SMCHD1: variants seen among roughly 807,000 people sequenced by gnomAD.
SMCHD1 encodes structural maintenance of chromosomes flexible hinge domain-containing protein 1.
Under a neutral mutation model 254.7 loss-of-function variants are expected in SMCHD1, and 78 were observed. The ratio of observed to expected loss-of-function variants is 0.31; its 90% CI spans 0.26 to 0.37. SMCHD1 has a LOEUF of 0.37. Ranked by LOEUF, SMCHD1 falls within the 10% of genes least tolerant of loss-of-function variation. The probability of loss-of-function intolerance (pLI) is 1.00; values close to 1 mark genes in which losing one functional copy is unlikely to be tolerated. For missense variants in SMCHD1, 1,840 were observed against 2,408.1 expected (o/e 0.76, Z 4.94); for synonymous variants, 766 against 794.9 (o/e 0.96, Z 0.61).
chr18:2,726,638 C>T (rs900420897), intron 22 of SMCHD1, 114 bp downstream of exon 22: 10 of 420,722 alleles, frequency 2.4e-5, no homozygotes, highest in African/African-American at 1.9e-4. Flanking sequence ...CTTGAAAATA[C>T]ACTTAAATGT....
At chr18:2,690,699 G>A (rs1422540538) in intron 7 of SMCHD1, among the ~76,000 whole-genome samples, 1 of 148,034 alleles carries the variant, frequency 6.8e-6, no homozygotes, top group Non-Finnish European at 1.5e-5. Context: ...GGCCAGACTG[G>A]TCTCAAACTC....
rs185618962 is a variant in SMCHD1, at chr18:2,697,117, A to G, written c.1126A>G (p.Ile376Val). 6 of 1,405,706 alleles carry G rather than the reference A, an allele frequency of 4.3e-6. No individual in the cohort carries two copies. The highest frequency in any genetic ancestry group is 1.5e-5 in the African/African-American group (1 of 68,284). 87.1% of individuals were successfully genotyped at this position (1,405,706 alleles called of 1,614,324 possible). ...KEVEPFNNID[I>V]EISMFEKGKV... ...AGTTGAACCTTTCAACAATATTGATATTGAAGTAAGAGAAAAATCCATCTT... is the reference window on the plus strand; with the variant it reads ...AGTTGAACCTTTCAACAATATTGATGTTGAAGTAAGAGAAAAATCCATCTT... The change falls in exon 9 of 48, where the codon ATT becomes GTT. Residue 376 changes from isoleucine (I) to valine (V), a missense_variant. This residue lies in a region of SMCHD1 where 498 missense variants were observed against 743.5 expected (regional missense o/e 0.67). Transcript: ENST00000320876.
chr18:2,770,810 G>A (rs932406254), intron 39 of SMCHD1, among the ~76,000 whole-genome samples: 5 of 151,950 alleles, frequency 3.3e-5, no homozygotes, highest in East Asian at 1.9e-4. Context: ...TAGTAGAGAC[G>A]GGGTTTCACC....
chr18:2,786,484 G>C (rs370526962), intron 45 of SMCHD1, among the ~76,000 whole-genome samples: 2 of 152,146 alleles, frequency 1.3e-5, no homozygotes, highest in African/African-American at 4.8e-5. Context: ...CTGAGGTCAG[G>C]AGTTCAAGAC....
rs1232357497 is a variant in SMCHD1 at position 2,718,508 on chromosome 18, G to A, written c.2458+74G>A. ...AAATCCAAAGAGAAAAGAGAGATAA[G>A]CCATTAAAAGATGTTTGAACAATTG... is the stretch of plus-strand genomic sequence containing the variant. On this transcript the variant is annotated intron_variant, in intron 19 of 47. Transcript: ENST00000320876. This position sits in a 1 kb window ranked among gnomAD's most constrained non-coding sequence, Gnocchi z 4.6. 4.6e-6 allele frequency: 6 copies of A among 1,294,098 alleles called. No individual in the cohort carries two copies. The South Asian group carries it at 7.5e-5, about 16-fold the overall frequency. The allele number at this position is 1,294,098 out of a possible 1,614,324, so 80.2% of individuals were successfully genotyped here. A position where few individuals can be genotyped will look rare whatever the true frequency, so the allele number is the denominator to read the frequency against.
At chr18:2,773,410 G>GA (rs2076015378) in intron 41 of SMCHD1, among the ~76,000 whole-genome samples, 1 of 152,120 alleles carries the variant, frequency 6.6e-6, no homozygotes, top group Admixed American at 6.6e-5. Flanking sequence ...TTTAGCAAGA[G>GA]AAATGTATTT....
rs760975783 is a variant in SMCHD1, at chr18:2,707,654, G to A, written c.2146+9G>A. ...TGCTGGAACCCCTATTGGTATGTTT[G>A]TTTATTTTTCTAATACCAAAAAGTG... On this transcript the variant is annotated intron_variant, in intron 16 of 47. Coordinates refer to ENST00000320876, the MANE Select transcript of SMCHD1 (RefSeq NM_015295.3). 1 of 1,575,882 alleles carries A rather than the reference G, an allele frequency of 6.3e-7. No homozygotes were observed. Among genetic ancestry groups the A allele is most frequent in the East Asian group, 2.2e-5 (1 of 44,622 alleles).
At chr18:2,752,819 TTA>T (rs149342082) in intron 34 of SMCHD1, 8,127 of 311,246 alleles carry the variant, frequency 0.026, 605 homozygotes, top group African/African-American at 0.17. Flanking sequence ...TCAGGGCACT[TTA>T]TAACTTCTTA....
chr18:2,676,053 C>T (rs778441834), intron 5 of SMCHD1, among the ~76,000 whole-genome samples: 3 of 152,074 alleles, frequency 2.0e-5, no homozygotes, highest in Non-Finnish European at 4.4e-5. Flanking sequence ...TCAGATACAC[C>T]CCTTCAGCCT....
rs1258601994 is a variant in SMCHD1 at position 2,803,194 on chromosome 18, GTGTGTATA to G, written c.*644_*651del. 4 of 115,750 alleles carry G rather than the reference GTGTGTATA, an allele frequency of 3.5e-5. No individual in the cohort carries two copies. The highest frequency in any genetic ancestry group is 1.1e-4 in the African/African-American group (4 of 35,618). The allele number at this position is 115,750 out of a possible 1,614,324, so 7.2% of individuals were successfully genotyped here. A position where few individuals can be genotyped will look rare whatever the true frequency, so the allele number is the denominator to read the frequency against. On this transcript the variant is annotated 3_prime_UTR_variant, in exon 48 of 48. Transcript: ENST00000320876. ...AAAGACTTATCCTGTGTGTGTGTGT[GTGTGTATA>G]TATATATATATATATAAATATATAT...
chr18:2,776,443 A>G (rs2076067822), intron 42 of SMCHD1, among the ~76,000 whole-genome samples: 1 of 151,724 alleles, frequency 6.6e-6, no homozygotes. Flanking sequence ...TTTTGGGCTC[A>G]AGCAGTCCTC....
intron 41 of SMCHD1, among the ~76,000 whole-genome samples, chr18:2,774,899 C>T (rs2076040940): frequency 6.6e-6 from 1 of 152,200 alleles, no homozygotes; most frequent in South Asian, 2.1e-4. Context: ...TGGGTGTTCA[C>T]GCACATGCGT....
At chr18:2,767,673 T>G (rs551165045) in intron 37 of SMCHD1, among the ~76,000 whole-genome samples, 1 of 130,696 alleles carries the variant, frequency 7.7e-6, no homozygotes, top group Non-Finnish European at 1.6e-5. Flanking sequence ...CAGTGCAACC[T>G]CCGCCTCCTG....
At chr18:2,770,831 G>T (rs774544216) in intron 39 of SMCHD1, among the ~76,000 whole-genome samples, 2 of 151,956 alleles carry the variant, frequency 1.3e-5, no homozygotes, top group Non-Finnish European at 2.9e-5. Flanking sequence ...ATGTTGGCCG[G>T]GCTGGTCTCG....
chr18:2,751,460 C>A, intron 33 of SMCHD1, 67 bp downstream of exon 33: 1 of 840,894 alleles, frequency 1.2e-6, no homozygotes, highest in Non-Finnish European at 1.9e-6. Flanking sequence ...ACTAAGTCTC[C>A]TTTAATGTAA....
At chr18:2,709,309 T>A (rs1209012122) in intron 17 of SMCHD1, among the ~76,000 whole-genome samples, 1 of 151,678 alleles carries the variant, frequency 6.6e-6, no homozygotes, top group Non-Finnish European at 1.5e-5. Flanking sequence ...TGATGGATAC[T>A]CAGGTTACTT....
chr18:2,685,094 ATTTTTTTC>A (rs1431625689), intron 5 of SMCHD1, among the ~76,000 whole-genome samples: 6 of 81,880 alleles, frequency 7.3e-5, no homozygotes, highest in East Asian at 3.9e-4. Flanking sequence ...TCTGTCCCTT[ATTTTTTTC>A]TTTTTTTTTT....
At chr18:2,740,943 A>G in intron 28 of SMCHD1, 122 bp downstream of exon 28, 3 of 574,800 alleles carry the variant, frequency 5.2e-6, no homozygotes, top group Non-Finnish European at 9.1e-6. Context: ...GAAAAGTCAT[A>G]AAAGGCATTT....
At chr18:2,797,393 G>A (rs1476351807) in intron 47 of SMCHD1, among the ~76,000 whole-genome samples, 2 of 152,168 alleles carry the variant, frequency 1.3e-5, no homozygotes, top group African/African-American at 4.8e-5. Context: ...AGGTTTAATT[G>A]TAGACTCTAC....
Sources: gnomAD v4.1 joint callset for allele counts (sites outside exome capture counted in the v4.1 genomes callset) on GRCh38, gnomAD v4.1.1 for gene constraint, gnomAD v4.1.1 regional missense constraint, Gnocchi (gnomAD v3.1) non-coding constraint, MANE v1.5 for transcripts, NCBI Gene and HGNC (gene_info 2026-07-23, HGNC 2026-07-21) for gene names.